Variants in HELLS observed in about 807,000 individuals in gnomAD.
The protein encoded by HELLS is lymphoid-specific helicase.
In HELLS, 32 loss-of-function variants were observed where a neutral mutation model predicts 120.0. That is an observed-to-expected ratio of 0.27 (90% CI 0.20 to 0.36). HELLS has a LOEUF of 0.36. Ranked by LOEUF, HELLS falls within the 10% of genes least tolerant of loss-of-function variation. The probability of loss-of-function intolerance (pLI) is 1.00; values close to 1 mark genes in which losing one functional copy is unlikely to be tolerated. For synonymous variants in HELLS, 341 were observed against 323.4 expected (o/e 1.05, Z -0.58); for missense variants, 650 against 993.4 (o/e 0.65, Z 4.65).
At chr10:94,599,100 T>A (rs1189763131) in intron 21 of HELLS, among the ~76,000 whole-genome samples, 2 of 152,228 alleles carry the variant, frequency 1.3e-5, no homozygotes, top group Admixed American at 6.5e-5. Context: ...TTTGTTCTTT[T>A]TCAAAATTGT....
intron 2 of HELLS, among the ~76,000 whole-genome samples, chr10:94,549,462 C>A (rs1386301452): frequency 6.6e-6 from 1 of 152,096 alleles, no homozygotes; most frequent in Non-Finnish European, 1.5e-5. Flanking sequence ...TAAAAGAAGT[C>A]ATTGTTAGTC....
intron 13 of HELLS, among the ~76,000 whole-genome samples, chr10:94,589,429 A>G (rs920138873): frequency 3.9e-5 from 6 of 152,194 alleles, no homozygotes; most frequent in African/African-American, 1.4e-4. Flanking sequence ...TTCTACCTGT[A>G]CAGTTTCCTT....
At chr10:94,606,269 T>G (rs1384091526), downstream of HELLS, among the ~76,000 whole-genome samples, 1 of 152,098 alleles carries the variant, frequency 6.6e-6, no homozygotes, top group African/African-American at 2.4e-5. Flanking sequence ...AAATCTGTCT[T>G]TTAATTCATG....
intron 2 of HELLS, among the ~76,000 whole-genome samples, chr10:94,553,334 C>T (rs1300678377): frequency 1.3e-4 from 20 of 151,876 alleles, no homozygotes; most frequent in African/African-American, 4.6e-4. Context: ...CTGCAACCTC[C>T]GCTTCCCGGG....
At chr10:94,578,997 C>G (rs1394647622) in intron 10 of HELLS, among the ~76,000 whole-genome samples, 2 of 152,072 alleles carry the variant, frequency 1.3e-5, no homozygotes, top group Non-Finnish European at 2.9e-5. Context: ...AGGCTTCCCT[C>G]GCTCACAGCT....
intron 4 of HELLS, among the ~76,000 whole-genome samples, chr10:94,561,488 G>T (rs1413414435): frequency 1.3e-5 from 2 of 151,838 alleles, no homozygotes; most frequent in African/African-American, 4.8e-5. Flanking sequence ...AATTTTTTTA[G>T]AGGTGATGTC....
Position 94,574,242 on chromosome 10 carries a change from A to G in HELLS, c.705+55A>G, listed in dbSNP as rs1178663822. The G allele has an allele frequency of 2.6e-5, 30 of 1,173,954 alleles. No individual in the cohort carries two copies. The South Asian group carries it at 3.6e-4, about 14-fold the overall frequency. The allele number at this position is 1,173,954 out of a possible 1,614,324, so 72.7% of individuals were successfully genotyped here. ...ACTGGTTTTATTTCTATAGTAGCCT[A>G]ATGATTTGAGGTACCACAACTTGAG... On this transcript the variant is annotated intron_variant, in intron 8 of 21. Coordinates refer to ENST00000348459, the MANE Select transcript of HELLS (RefSeq NM_018063.5).
rs575614563 is a variant in HELLS, at chr10:94,551,880, C to G, written c.154-2246C>G. Among the ~76,000 whole-genome samples the G allele has an allele frequency of 5.6e-4, 85 of 152,072 alleles. 1 individual carries two copies. Among genetic ancestry groups the G allele is most frequent in the African/African-American group, 1.9e-3 (80 of 41,530 alleles). On this transcript the variant is annotated intron_variant, in intron 2 of 21. Coordinates refer to ENST00000348459, the MANE Select transcript of HELLS (RefSeq NM_018063.5). ...TCAGCCTCCCAAGTAGCTGGGACTA[C>G]AGGCGCCTGCAACCACACGCGGCTA... is the stretch of plus-strand genomic sequence containing the variant.
At chr10:94,579,876 T>A (rs1844737394) in intron 10 of HELLS, among the ~76,000 whole-genome samples, 1 of 152,046 alleles carries the variant, frequency 6.6e-6, no homozygotes, top group African/African-American at 2.4e-5. Flanking sequence ...TGTAATGAAA[T>A]AGTTAAGCTT....
At chr10:94,565,560 A>G (rs1050900690) in intron 6 of HELLS, among the ~76,000 whole-genome samples, 3 of 151,870 alleles carry the variant, frequency 2.0e-5, no homozygotes, top group Middle Eastern at 3.4e-3. Flanking sequence ...TTGGTGGCAC[A>G]TGCCTGTAAT....
At chr10:94,582,251 C>T (rs114387875) in intron 11 of HELLS, among the ~76,000 whole-genome samples, 1 of 152,058 alleles carries the variant, frequency 6.6e-6, no homozygotes, top group Admixed American at 6.6e-5. Context: ...AGGCAGGCTA[C>T]CTTATTGTGA....
intron 21 of HELLS, among the ~76,000 whole-genome samples, chr10:94,598,164 C>T (rs1276299094): frequency 6.6e-6 from 1 of 152,100 alleles, no homozygotes; most frequent in East Asian, 1.9e-4. Flanking sequence ...GATTATTTGT[C>T]TGTTGCATCT....
At chr10:94,601,428 A>G in intron 21 of HELLS, 100 bp from the exon 22 acceptor site, 1 of 681,638 alleles carries the variant, frequency 1.5e-6, no homozygotes, top group South Asian at 1.7e-5. Context: ...ATAATTTTGG[A>G]CAGATGACTC....
intron 21 of HELLS, among the ~76,000 whole-genome samples, chr10:94,600,199 G>A (rs1845959181): frequency 6.6e-6 from 1 of 151,942 alleles, no homozygotes; most frequent in Non-Finnish European, 1.5e-5. Context: ...GCTGAGGCAG[G>A]AGAATTGCTA....
intron 11 of HELLS, among the ~76,000 whole-genome samples, chr10:94,582,700 A>G (rs1458221138): frequency 6.6e-6 from 1 of 152,134 alleles, no homozygotes; most frequent in Admixed American, 6.5e-5. Context: ...TTTTTATACT[A>G]CTGTACAATT....
intron 19 of HELLS, among the ~76,000 whole-genome samples, chr10:94,595,705 A>G (rs1461592944): frequency 3.9e-5 from 6 of 152,222 alleles, no homozygotes; most frequent in Non-Finnish European, 8.8e-5. Context: ...TAGAGAAGTT[A>G]TACTTCTATC....
chr10:94,611,710 G>A (rs1846195314), exon 10 of HELLS: 1 of 152,118 alleles, frequency 6.6e-6, no homozygotes, highest in Non-Finnish European at 1.5e-5. Flanking sequence ...AAAGAAGTTA[G>A]GCTTGAGAAA....
chr10:94,545,847 CG>C lies in HELLS; in HGVS notation c.-73del. Reference sequence around the variant, plus strand: ...TTTGGCTAGAAGGCTGGGCCGGCAGCGGTTGTGAGGAGTTAGCTCGCGGCAT... The same window carrying C: ...TTTGGCTAGAAGGCTGGGCCGGCAGCGTTGTGAGGAGTTAGCTCGCGGCAT... On this transcript the variant is annotated 5_prime_UTR_variant, in exon 1 of 22. Transcript: ENST00000348459. The C allele has an allele frequency of 4.1e-6, 6 of 1,479,652 alleles. No homozygotes were observed. Among genetic ancestry groups the C allele is most frequent in the Non-Finnish European group, 5.5e-6 (6 of 1,081,276 alleles). The allele number at this position is 1,479,652 out of a possible 1,614,324, so 91.7% of individuals were successfully genotyped here. A position where few individuals can be genotyped will look rare whatever the true frequency, so the allele number is the denominator to read the frequency against.
downstream of HELLS, among the ~76,000 whole-genome samples, chr10:94,603,056 G>GT (rs1317606229): frequency 1.3e-5 from 2 of 152,124 alleles, no homozygotes; most frequent in African/African-American, 4.8e-5. Flanking sequence ...AGTTGTCACC[G>GT]TTGCATCTGT....
Sources: gnomAD v4.1 joint callset for allele counts (sites outside exome capture counted in the v4.1 genomes callset) on GRCh38, gnomAD v4.1.1 for gene constraint, MANE v1.5 for transcripts, NCBI Gene and HGNC (gene_info 2026-07-23, HGNC 2026-07-21) for gene names.